Variants in LRRC37A2 observed in about 807,000 individuals in gnomAD.
LRRC37A2 encodes the protein leucine rich repeat containing 37 member A2, also known as leucine-rich repeat-containing protein 37A2.
In LRRC37A2, 9 loss-of-function variants were observed where a neutral mutation model predicts 68.8. The ratio of observed to expected loss-of-function variants is 0.13; its 90% CI spans 0.08 to 0.23. The LOEUF is 0.23. Ranked by LOEUF, LRRC37A2 falls within the 10% of genes least tolerant of loss-of-function variation. The pLI, the probability that LRRC37A2 is intolerant of heterozygous loss-of-function variation, is 1.00. For synonymous variants in LRRC37A2, 63 were observed against 367.6 expected, an observed-to-expected ratio of 0.17 and a Z score of 9.48; for missense variants, 168 against 950.4, an observed-to-expected ratio of 0.18 and a Z score of 10.82.
chr17:46,790,618 A>G, the LRRC37A2 span, among the ~76,000 whole-genome samples: 1 of 151,968 alleles, frequency 6.6e-6, no homozygotes, highest in South Asian at 2.1e-4. Context: ...GTTAGGATCA[A>G]CCCGTCCCCT....
At chr17:46,847,999 C>T in the LRRC37A2 span, among the ~76,000 whole-genome samples, 6 of 108,728 alleles carry the variant, frequency 5.5e-5, no homozygotes, top group Admixed American at 8.8e-5. Context: ...TGTGTGTGCA[C>T]GTGCATGTGT....
At chr17:46,999,445 C>A in the LRRC37A2 span, among the ~76,000 whole-genome samples, 224 of 152,276 alleles carry the variant, frequency 1.5e-3, no homozygotes, top group Non-Finnish European at 2.2e-3. Flanking sequence ...AACTCCCAGG[C>A]TCAAGGGATC....
the LRRC37A2 span, chr17:46,749,681 T>C: frequency 1.6e-6 from 2 of 1,223,006 alleles, no homozygotes; most frequent in Non-Finnish European, 2.2e-6. Flanking sequence ...CAAGATTAAA[T>C]AAAAGTCTTT....
At chr17:46,900,189 A>ATATG in the LRRC37A2 span, among the ~76,000 whole-genome samples, 5 of 127,302 alleles carry the variant, frequency 3.9e-5, no homozygotes, top group Non-Finnish European at 7.7e-5. Context: ...ATATATATAT[A>ATATG]TATATATATA....
chr17:47,002,384 T>TTA, the LRRC37A2 span, among the ~76,000 whole-genome samples: 104,089 of 150,130 alleles, frequency 0.69, 36,548 homozygotes, highest in Middle Eastern at 0.75. Flanking sequence ...TTATTTTTAT[T>TTA]TTTATTTTTT....
At chr17:47,017,898 T>C in the LRRC37A2 span, 1 of 1,612,556 alleles carries the variant, frequency 6.2e-7, no homozygotes, top group South Asian at 1.1e-5. Context: ...CATCCAGTCC[T>C]CTTCACTCCA....
chr17:47,013,416 T>G, the LRRC37A2 span, among the ~76,000 whole-genome samples: 1 of 152,222 alleles, frequency 6.6e-6, no homozygotes, highest in Non-Finnish European at 1.5e-5. Context: ...TCAGTGCCTC[T>G]TTGAGCTAGC....
Position 46,526,489 on chromosome 17 carries a change from C to T in LRRC37A2, c.2906+2605C>T, listed in dbSNP as rs1171351449. 4.8e-5 allele frequency among the ~76,000 whole-genome samples: 5 copies of T among 104,276 alleles called. 2 individuals are homozygous for T. The highest frequency in any genetic ancestry group is 8.3e-5 in the Non-Finnish European group (4 of 47,962). The allele number at this position is 104,276 out of a possible 152,430, so 68.4% of individuals were successfully genotyped here. A position where few individuals can be genotyped will look rare whatever the true frequency, so the allele number is the denominator to read the frequency against. On this transcript the variant is annotated intron_variant, in intron 6 of 14. Coordinates refer to ENST00000576629, the Ensembl canonical transcript of LRRC37A2. ...GGCCCTTCCAAGGTCGTGGGAGGGC[C>T]CCTGGAAATTTTTGTATTCATAATT...
chr17:46,942,022 CT>C, the LRRC37A2 span: 1 of 906,798 alleles, frequency 1.1e-6, no homozygotes, highest in Non-Finnish European at 1.3e-6. Context: ...TATATCCTAC[CT>C]TAGTCCAAAA....
the LRRC37A2 span, among the ~76,000 whole-genome samples, chr17:46,828,482 C>T: frequency 2.0e-5 from 3 of 152,112 alleles, no homozygotes; most frequent in Non-Finnish European, 4.4e-5. Context: ...GGATTACAGG[C>T]ATGAGTCACC....
At chr17:47,043,082 T>C in the LRRC37A2 span, among the ~76,000 whole-genome samples, 1 of 149,760 alleles carries the variant, frequency 6.7e-6, no homozygotes, top group Non-Finnish European at 1.5e-5. Flanking sequence ...ACTGTAATAA[T>C]TATTATTTTT....
At chr17:47,030,112 C>A in the LRRC37A2 span, among the ~76,000 whole-genome samples, 4,088 of 115,438 alleles carry the variant, frequency 0.035, 476 homozygotes, top group African/African-American at 0.047. Flanking sequence ...TCATCATCAT[C>A]ATCATCATCA....
At chr17:46,736,797 G>A in the LRRC37A2 span, among the ~76,000 whole-genome samples, 2 of 152,142 alleles carry the variant, frequency 1.3e-5, no homozygotes, top group South Asian at 4.1e-4. Context: ...TATGACTTAA[G>A]ATTTAATTGA....
the LRRC37A2 span, among the ~76,000 whole-genome samples, chr17:47,025,852 A>T: frequency 8.6e-6 from 1 of 116,346 alleles, no homozygotes; most frequent in Non-Finnish European, 1.8e-5. Flanking sequence ...AAATAATAAA[A>T]CTACGTTTCC....
the LRRC37A2 span, chr17:46,886,041 C>T: frequency 6.6e-6 from 1 of 152,104 alleles, no homozygotes; most frequent in Non-Finnish European, 1.5e-5. Context: ...ACCCACCCTC[C>T]CCAAGGTGGT....
the LRRC37A2 span, among the ~76,000 whole-genome samples, chr17:46,679,048 T>C: frequency 6.6e-6 from 1 of 151,946 alleles, no homozygotes; most frequent in African/African-American, 2.4e-5. Context: ...TACTGTGTGA[T>C]TCCATTTATA....
chr17:46,788,838 G>A, the LRRC37A2 span, among the ~76,000 whole-genome samples: 1 of 152,156 alleles, frequency 6.6e-6, no homozygotes, highest in Non-Finnish European at 1.5e-5. Context: ...AGATCCCACA[G>A]GCTGTCTCCA....
the LRRC37A2 span, chr17:46,875,355 G>T: frequency 6.2e-7 from 1 of 1,604,434 alleles, no homozygotes; most frequent in Non-Finnish European, 8.5e-7. Context: ...CAATACCCAC[G>T]TGGGCATCAA....
the LRRC37A2 span, chr17:46,952,829 A>C: frequency 2.0e-5 from 3 of 152,028 alleles, no homozygotes; most frequent in South Asian, 6.2e-4. Context: ...TTTCCTACTT[A>C]AGCTGGTTTG....
Sources: allele counts gnomAD v4.1 joint callset (sites outside exome capture counted in the v4.1 genomes callset), GRCh38; gene constraint gnomAD v4.1.1; transcripts MANE v1.5; gene names NCBI Gene and HGNC (gene_info 2026-07-23, HGNC 2026-07-21).